ENTREP2: variants seen among roughly 807,000 people sequenced by gnomAD.
The protein encoded by ENTREP2 is endosomal transmembrane epsin interactor 2.
At chr15:29,444,154 CAGAAAGAAAGACAG>C in the ENTREP2 span, among the ~76,000 whole-genome samples, 4 of 54,870 alleles carry the variant, frequency 7.3e-5, 1 homozygote, top group African/African-American at 1.5e-4. Context: ...GAAAGACAGA[CAGAAAGAAAGACAG>C]ACAAAGAAAG....
chr15:29,346,608 TG>T, the ENTREP2 span, among the ~76,000 whole-genome samples: 1 of 152,210 alleles, frequency 6.6e-6, no homozygotes, highest in African/African-American at 2.4e-5. Context: ...TTTCACAGAA[TG>T]GTTCCACAAA....
At chr15:29,247,094 C>T in the ENTREP2 span, among the ~76,000 whole-genome samples, 4 of 151,488 alleles carry the variant, frequency 2.6e-5, no homozygotes, top group African/African-American at 9.7e-5. Context: ...CCTTTTTATG[C>T]AGAGAACACT....
the ENTREP2 span, among the ~76,000 whole-genome samples, chr15:29,198,473 G>A: frequency 6.6e-6 from 1 of 152,210 alleles, no homozygotes; most frequent in Non-Finnish European, 1.5e-5. Context: ...CCTCACCAAT[G>A]CTTGCTAATG....
At chr15:29,124,730 G>A in the ENTREP2 span, 3 of 1,550,568 alleles carry the variant, frequency 1.9e-6, no homozygotes, top group Non-Finnish European at 2.6e-6. Context: ...CCAGGTCCTG[G>A]CTACACGACG....
At chr15:29,518,280 T>C in the ENTREP2 span, among the ~76,000 whole-genome samples, 2 of 152,140 alleles carry the variant, frequency 1.3e-5, no homozygotes, top group African/African-American at 4.8e-5. Context: ...TTCTCAACTA[T>C]AGTAACCATG....
At chr15:29,486,107 C>A in the ENTREP2 span, among the ~76,000 whole-genome samples, 1 of 152,076 alleles carries the variant, frequency 6.6e-6, no homozygotes, top group Non-Finnish European at 1.5e-5. Context: ...AGGAAATCAA[C>A]CTCAGTGTCC....
At chr15:29,644,284 A>G in the ENTREP2 span, among the ~76,000 whole-genome samples, 1 of 152,190 alleles carries the variant, frequency 6.6e-6, no homozygotes, top group Admixed American at 6.5e-5. Context: ...GGCTGATGGG[A>G]CAATGACAAA....
chr15:29,170,451 A>G, the ENTREP2 span, among the ~76,000 whole-genome samples: 3 of 152,206 alleles, frequency 2.0e-5, no homozygotes, highest in Non-Finnish European at 4.4e-5. Flanking sequence ...AGGTGGAAAA[A>G]TGTGTTGAGA....
chr15:29,651,506 C>A, the ENTREP2 span, among the ~76,000 whole-genome samples: 3 of 152,238 alleles, frequency 2.0e-5, no homozygotes, highest in Non-Finnish European at 4.4e-5. Flanking sequence ...CCCGCCCTCC[C>A]TGGGTACCTC....
At chr15:29,409,348 CT>C in the ENTREP2 span, among the ~76,000 whole-genome samples, 9 of 148,186 alleles carry the variant, frequency 6.1e-5, no homozygotes, top group East Asian at 2.0e-4. Flanking sequence ...ATTAATTTTT[CT>C]TTTTTTTTTG....
the ENTREP2 span, among the ~76,000 whole-genome samples, chr15:29,501,058 TA>T: frequency 6.6e-6 from 1 of 151,428 alleles, no homozygotes; most frequent in African/African-American, 2.4e-5. Flanking sequence ...TCAACTTTTC[TA>T]AAAAAAAATC....
chr15:29,140,623 A>C, the ENTREP2 span, among the ~76,000 whole-genome samples: 1 of 150,412 alleles, frequency 6.6e-6, no homozygotes. Flanking sequence ...CCAGCTCCCC[A>C]CCTCCCTTTC....
chr15:29,126,459 C>T, the ENTREP2 span: 100 of 1,549,988 alleles, frequency 6.5e-5, no homozygotes, highest in African/African-American at 1.5e-4. Context: ...GCAGTGCCCT[C>T]GGACACCAGG....
At chr15:29,123,243 G>T in the ENTREP2 span, 1 of 1,302,300 alleles carries the variant, frequency 7.7e-7, no homozygotes, top group Non-Finnish European at 1.0e-6. Flanking sequence ...CCTCCGCCAA[G>T]CTGGGCCTGA....
chr15:29,257,129 A>C, the ENTREP2 span, among the ~76,000 whole-genome samples: 3 of 151,660 alleles, frequency 2.0e-5, no homozygotes, highest in East Asian at 5.8e-4. Flanking sequence ...GCTGGAGTGC[A>C]ATGCAGCGAT....
At chr15:29,451,249 A>G in the ENTREP2 span, among the ~76,000 whole-genome samples, 98 of 152,248 alleles carry the variant, frequency 6.4e-4, 2 homozygotes, top group South Asian at 0.012. Context: ...TCCTTCGCTG[A>G]TGATGGGGGG....
chr15:29,596,279 G>T, the ENTREP2 span, among the ~76,000 whole-genome samples: 1 of 152,272 alleles, frequency 6.6e-6, no homozygotes, highest in African/African-American at 2.4e-5. Flanking sequence ...ATATTGAGAA[G>T]CATGAGTTCC....
the ENTREP2 span, among the ~76,000 whole-genome samples, chr15:29,229,970 A>AT: frequency 6.6e-6 from 1 of 151,918 alleles, no homozygotes; most frequent in African/African-American, 2.4e-5. Flanking sequence ...CATTAAAAAA[A>AT]AAATCTCACA....
chr15:29,582,069 G>A, the ENTREP2 span, among the ~76,000 whole-genome samples: 3 of 151,722 alleles, frequency 2.0e-5, no homozygotes, highest in Admixed American at 2.0e-4. Context: ...AGCCTCCCAA[G>A]TAGCTGGGAT....
Sources: allele counts gnomAD v4.1 joint callset (sites outside exome capture counted in the v4.1 genomes callset), GRCh38; gene constraint gnomAD v4.1.1; transcripts MANE v1.5; gene names NCBI Gene and HGNC (gene_info 2026-07-23, HGNC 2026-07-21).